TLN2: variants seen among roughly 807,000 people sequenced by gnomAD.
TLN2 encodes the protein talin 2, also known as talin-2.
In TLN2, 118 loss-of-function variants were observed where a neutral mutation model predicts 294.7. That is an observed-to-expected ratio of 0.40 (90% CI 0.34 to 0.47). The LOEUF is 0.47. TLN2 is among the 20% of genes least tolerant of loss of function. The pLI is 0.84. For synonymous variants in TLN2, 1,431 were observed against 1,304.5 expected (o/e 1.10, Z -2.09); for missense variants, 3,083 against 3,282.2 (o/e 0.94, Z 1.48).
At chr15:62,805,856 G>A in intron 51 of TLN2, 71 bp downstream of exon 51, 3 of 1,511,662 alleles carry the variant, frequency 2.0e-6, no homozygotes, top group Non-Finnish European at 2.7e-6. Flanking sequence ...GGTGTAGTCT[G>A]AAAAAGGGGA....
intron 14 of TLN2, 132 bp downstream of exon 14, chr15:62,694,524 T>C (rs1372808567): frequency 1.4e-6 from 1 of 694,542 alleles, no homozygotes; most frequent in African/African-American, 1.8e-5. Context: ...AGTTGAATCT[T>C]CTTCAAGCGT....
chr15:62,742,708 G>A (rs1322413223), intron 32 of TLN2, among the ~76,000 whole-genome samples: 3 of 152,186 alleles, frequency 2.0e-5, no homozygotes, highest in African/African-American at 4.8e-5. Flanking sequence ...TGATTTCATA[G>A]CCAGGTAAGC....
chr15:62,633,154 A>G (rs1295233119), intron 3 of TLN2, among the ~76,000 whole-genome samples: 5 of 152,228 alleles, frequency 3.3e-5, no homozygotes, highest in Admixed American at 3.3e-4. Flanking sequence ...GTGGTATTAT[A>G]GCAAGGCACG....
At position 62,582,004 on chromosome 15, in the gene TLN2, G is replaced by A. The variant is rs181030004; in HGVS notation, c.-237-7683G>A. On this transcript the variant is annotated intron_variant, in intron 1 of 58. Coordinates refer to ENST00000636159, the MANE Select transcript of TLN2 (RefSeq NM_015059.3). ...GTTTGCAGTGAGCCAAGATTGTGCCGCTGCACTCCAGCCTGGGCAAGAAGA... is the reference window on the plus strand; with the variant it reads ...GTTTGCAGTGAGCCAAGATTGTGCCACTGCACTCCAGCCTGGGCAAGAAGA... Among the ~76,000 whole-genome samples the A allele has an allele frequency of 3.2e-3, 483 of 151,106 alleles. 3 individuals are homozygous for A. Among genetic ancestry groups the A allele is most frequent in the African/African-American group, 0.011 (462 of 41,070 alleles).
intron 45 of TLN2, among the ~76,000 whole-genome samples, chr15:62,787,117 A>G (rs372557582): frequency 3.9e-4 from 59 of 151,884 alleles, no homozygotes; most frequent in East Asian, 1.4e-3. Flanking sequence ...GCTGGTCTCA[A>G]CCTCCTGGAC....
chr15:62,787,101 G>T (rs897303533), intron 45 of TLN2, among the ~76,000 whole-genome samples: 3 of 151,988 alleles, frequency 2.0e-5, no homozygotes, highest in African/African-American at 7.2e-5. Context: ...TCACTATGTT[G>T]CCCAGGCTGG....
intron 16 of TLN2, among the ~76,000 whole-genome samples, chr15:62,699,124 C>A (rs2058549928): frequency 6.6e-6 from 1 of 152,174 alleles, no homozygotes; most frequent in South Asian, 2.1e-4. Context: ...GGTTCAAACA[C>A]CAGCTCCAGT....
intron 11 of TLN2, among the ~76,000 whole-genome samples, chr15:62,682,625 C>T (rs936470836): frequency 5.9e-5 from 9 of 152,228 alleles, no homozygotes; most frequent in African/African-American, 1.9e-4. Flanking sequence ...TAAGTTAATA[C>T]AGAAAAAGGG....
intron 52 of TLN2, among the ~76,000 whole-genome samples, chr15:62,815,176 G>GTCTC (rs201630975): frequency 4.3e-5 from 2 of 46,202 alleles, no homozygotes; most frequent in African/African-American, 9.3e-5. Flanking sequence ...TATTCTGTCT[G>GTCTC]TCACACACAC....
intron 3 of TLN2, chr15:62,644,640 G>C (rs2140925823): frequency 4.4e-6 from 2 of 455,558 alleles, no homozygotes; most frequent in East Asian, 7.0e-5. Flanking sequence ...GCACCTTGCG[G>C]ACCCCGCAGC....
At chr15:62,812,381 A>G (rs1158304321) in intron 52 of TLN2, among the ~76,000 whole-genome samples, 1 of 152,178 alleles carries the variant, frequency 6.6e-6, no homozygotes, top group Non-Finnish European at 1.5e-5. Context: ...CAGGTTGGCA[A>G]TCTGTACCTT....
At chr15:62,563,709 T>G (rs1255168595) in intron 1 of TLN2, among the ~76,000 whole-genome samples, 1 of 152,198 alleles carries the variant, frequency 6.6e-6, no homozygotes, top group Non-Finnish European at 1.5e-5. Flanking sequence ...CTAGCACACT[T>G]TGCACATGCT....
intron 3 of TLN2, chr15:62,644,395 C>T: frequency 2.4e-6 from 1 of 425,124 alleles, no homozygotes; most frequent in Non-Finnish European, 4.7e-6. Flanking sequence ...AGGGCTGAGT[C>T]ATTACTGCTC....
chr15:62,413,183 C>G (rs959720996), intron 1 of TLN2, among the ~76,000 whole-genome samples: 1 of 152,186 alleles, frequency 6.6e-6, no homozygotes, highest in African/African-American at 2.4e-5. Flanking sequence ...GCACTGGTAT[C>G]CTGGCCTTGG....
chr15:62,697,182 A>C (rs547136366), intron 14 of TLN2, among the ~76,000 whole-genome samples: 2 of 152,100 alleles, frequency 1.3e-5, no homozygotes, highest in Admixed American at 1.3e-4. Flanking sequence ...ATCATAGCTC[A>C]CTGCAGCCTC....
rs28459545 is a variant in TLN2 at position 62,697,568 on chromosome 15, G to T, written c.1293-120G>T. 0.05 allele frequency: 53,576 copies of T among 1,069,038 alleles called. 3,057 individuals are homozygous for T. Among genetic ancestry groups the T allele is most frequent in the African/African-American group, 0.25 (15,567 of 62,466 alleles). The allele number at this position is 1,069,038 out of a possible 1,614,324, so 66.2% of individuals were successfully genotyped here. A position where few individuals can be genotyped will look rare whatever the true frequency, so the allele number is the denominator to read the frequency against. ...CATTCCTGCTTCTCAGTCTGTATGT[G>T]CCTCTTTTAGTTGGCCTTCACAGCA... On this transcript the variant is annotated intron_variant, in intron 14 of 58. Coordinates refer to ENST00000636159, the MANE Select transcript of TLN2 (RefSeq NM_015059.3).
intron 54 of TLN2, among the ~76,000 whole-genome samples, chr15:62,825,828 TAATATATA>T (rs1401602236): frequency 0.029 from 424 of 14,592 alleles, 17 homozygotes; most frequent in East Asian, 0.061. Context: ...ATATATATTA[TAATATATA>T]ATATATATAA....
In TLN2 at chr15:62,840,821, T is replaced by C. The variant is rs1471939389; in HGVS notation, c.*211T>C. ...GGTACAATGTCCTACCCACAACTCCTCTGCCGCCTCCCCTCATGCCTCACC... is the reference window on the plus strand; with the variant it reads ...GGTACAATGTCCTACCCACAACTCCCCTGCCGCCTCCCCTCATGCCTCACC... On this transcript the variant is annotated 3_prime_UTR_variant, in exon 59 of 59. Transcript: ENST00000636159. 2.1e-5 allele frequency: 12 copies of C among 580,620 alleles called. No individual in the cohort carries two copies. The Admixed American group carries it at 4.1e-4, about 20-fold the overall frequency. 36.0% of individuals were successfully genotyped at this position (580,620 alleles called of 1,614,324 possible).
At chr15:62,586,189 G>T (rs1210317449) in intron 1 of TLN2, among the ~76,000 whole-genome samples, 1 of 152,218 alleles carries the variant, frequency 6.6e-6, no homozygotes, top group Non-Finnish European at 1.5e-5. Flanking sequence ...ACTAAAGGGG[G>T]TCAGAACAGA....
Sources: gnomAD v4.1 joint callset for allele counts (sites outside exome capture counted in the v4.1 genomes callset) on GRCh38, gnomAD v4.1.1 for gene constraint, MANE v1.5 for transcripts, NCBI Gene and HGNC (gene_info 2026-07-23, HGNC 2026-07-21) for gene names.